STAT6: variants seen among roughly 807,000 people sequenced by gnomAD.
The protein encoded by STAT6 is signal transducer and activator of transcription 6.
STAT6 carries 45 observed loss-of-function variants against 106.3 expected under a neutral mutation model. The observed-to-expected ratio is 0.42, with a 90% confidence interval of 0.33 to 0.54. The LOEUF (loss-of-function observed/expected upper bound fraction) is 0.54, where lower values mean the gene tolerates loss of function less well. Ranked by LOEUF, STAT6 falls within the 20% of genes least tolerant of loss-of-function variation. The pLI, the probability that STAT6 is intolerant of heterozygous loss-of-function variation, is 0.06. For missense variants in STAT6, 797 were observed against 1,062.2 expected (o/e 0.75, Z 3.47); for synonymous variants, 413 against 413.6 (o/e 1.00, Z 0.02).
chr12:57,098,077 A>G (rs895454755), intron 19 of STAT6, among the ~76,000 whole-genome samples: 2 of 152,154 alleles, frequency 1.3e-5, no homozygotes, highest in Non-Finnish European at 2.9e-5. Context: ...ATTATACTCA[A>G]TGGTATTCGC....
chr12:57,102,828 C>T lies in STAT6; in HGVS notation c.1305+1G>A. On this transcript the variant is annotated splice_donor_variant, in intron 12 of 21. Coordinates refer to ENST00000300134, the MANE Select transcript of STAT6 (RefSeq NM_003153.5). LOFTEE classifies it high-confidence loss of function. ...CCCTCCAACTCCAGGACTTTCCTCA[C>T]CATCTCAGAGAAGGCATTGTCCCAC... 1.2e-6 allele frequency: 2 copies of T among 1,613,382 alleles called. No homozygotes were observed. Among genetic ancestry groups the T allele is most frequent in the Non-Finnish European group, 1.7e-6 (2 of 1,179,450 alleles).
intron 13 of STAT6, among the ~76,000 whole-genome samples, chr12:57,101,663 CTTTT>C (rs1228510878): frequency 6.3e-5 from 8 of 127,570 alleles, no homozygotes; most frequent in Non-Finnish European, 1.7e-5. Flanking sequence ...CATGCCTGGC[CTTTT>C]TTTTTTTTTT....
intron 2 of STAT6, 89 bp from the exon 3 acceptor site, chr12:57,107,832 C>T: frequency 6.4e-7 from 1 of 1,552,510 alleles, no homozygotes. Flanking sequence ...CTCAGCAGTT[C>T]CTTTCTCGCT....
Position 57,105,063 on chromosome 12 carries a change from A to C in STAT6, c.1001+88T>G, listed in dbSNP as rs1409297327. The C allele has an allele frequency of 6.1e-6, 9 of 1,466,776 alleles. No homozygotes were observed. In the East Asian group the frequency reaches 2.1e-4, roughly 34 times the overall value. 90.9% of individuals were successfully genotyped at this position (1,466,776 alleles called of 1,614,324 possible). ...CCACATCCCATGGCCCTCCCTCCCC[A>C]TCCCTTGCTCTTTTCAGTGCCAGCC... On this transcript the variant is annotated intron_variant, in intron 9 of 21. Transcript: ENST00000300134.
chr12:57,096,607 A>ACAT lies in STAT6; in HGVS notation c.2506_2508dup (p.Met836dup). ...GGGTTGGCCCTTAGGTCCATGTGGGACATTGAGATCCCAGATTGCCCATAG... is the reference window on the plus strand; with the variant it reads ...GGGTTGGCCCTTAGGTCCATGTGGGACATCATTGAGATCCCAGATTGCCCATAG... On this transcript the variant is annotated inframe_insertion, in exon 22 of 22. Coordinates refer to ENST00000300134, the MANE Select transcript of STAT6 (RefSeq NM_003153.5). 1 of 1,607,142 alleles carries ACAT rather than the reference A, an allele frequency of 6.2e-7. No homozygotes were observed. Among genetic ancestry groups the ACAT allele is most frequent in the Non-Finnish European group, 8.5e-7 (1 of 1,177,606 alleles).
At position 57,107,601 on chromosome 12, in the gene STAT6, C is replaced by A; in HGVS notation, c.255+4G>T. ...CAGCCTTGTCCCCTCCCCTCCTGCC[C>A]CACCTCAAGGGTGCTGATGTGTTGC... On this transcript the variant is annotated splice_donor_region_variant and intron_variant, in intron 3 of 21. Coordinates refer to ENST00000300134, the MANE Select transcript of STAT6 (RefSeq NM_003153.5). 2 of 1,613,740 alleles carry A rather than the reference C, an allele frequency of 1.2e-6. No individual in the cohort carries two copies. Among genetic ancestry groups the A allele is most frequent in the Non-Finnish European group, 1.7e-6 (2 of 1,179,758 alleles).
chr12:57,105,110 C>A, intron 9 of STAT6, 41 bp downstream of exon 9: 1 of 1,579,552 alleles, frequency 6.3e-7, no homozygotes, highest in Non-Finnish European at 8.6e-7. Context: ...CTCCATCACC[C>A]TAACAGCCCT....
rs373615741 is a variant in STAT6 at position 57,105,561 on chromosome 12, T to A, written c.719A>T (p.Gln240Leu). 2.5e-6 allele frequency: 4 copies of A among 1,613,990 alleles called. No homozygotes were observed. Among genetic ancestry groups the A allele is most frequent in the Non-Finnish European group, 3.4e-6 (4 of 1,179,928 alleles). ...CTCCCCACCAGCCGCCCCTACCTCC[T>A]GCTGTAGCTGGGAATAAATGTCCAC... ...SLVDIYSQLQ[Q>L]EVGAAGGELE... is the part of the protein sequence containing the mutation. The change falls in exon 8 of 22, where the codon CAG (glutamine) becomes CTG (leucine). Residue 240 changes from glutamine to leucine, a missense_variant. Physicochemically the swap from Gln to Leu is moderately radical, Grantham distance 113. Around this residue, in one of 4 missense-constraint regions of STAT6, gnomAD observed 336 missense variants for 429.8 expected, o/e 0.78. Coordinates refer to ENST00000300134, the MANE Select transcript of STAT6 (RefSeq NM_003153.5).
chr12:57,111,234 C>G lies in STAT6; in HGVS notation c.-127G>C, dbSNP rs908713086. The G allele has an allele frequency of 6.5e-6, 1 of 153,106 alleles. No homozygotes were observed. The highest frequency in any genetic ancestry group is 2.4e-5 in the African/African-American group (1 of 41,266). The allele number at this position is 153,106 out of a possible 1,614,324, so 9.5% of individuals were successfully genotyped here. A position where few individuals can be genotyped will look rare whatever the true frequency, so the allele number is the denominator to read the frequency against. The stretch of plus-strand genomic sequence containing the variant: ...TTCAAGGCTGGCCCTGCTAGCACCT[C>G]CCCCCTTCCACCACCACCACCAAAA... On this transcript the variant is annotated 5_prime_UTR_variant, in exon 1 of 22. Transcript: ENST00000300134.
In STAT6 at chr12:57,099,878, G is replaced by C. The variant is rs755129417; in HGVS notation, c.1633C>G (p.Gln545Glu). ...TTGAGAAGAAGGCTAGTAACGTACTGTTTGCTGATGAAGCCAATGATCAGC... is the reference window on the plus strand; with the variant it reads ...TTGAGAAGAAGGCTAGTAACGTACTCTTTGCTGATGAAGCCAATGATCAGC... ...DRLIIGFISKQYVTSLLLNEP... is the reference protein window; with the variant it reads ...DRLIIGFISKEYVTSLLLNEP... The change falls in exon 15 of 22, where the codon CAG becomes GAG. Residue 545 changes from glutamine (Q) to glutamate (E), a missense_variant. Gln to Glu is a conservative substitution (Grantham distance 29). This residue lies in a region of STAT6 where 222 missense variants were observed against 354.6 expected (regional missense o/e 0.63). Coordinates refer to ENST00000300134, the MANE Select transcript of STAT6 (RefSeq NM_003153.5). The surrounding 1 kb of genome is among the most constrained non-coding windows in gnomAD (Gnocchi z 4.7). The C allele has an allele frequency of 6.2e-7, 1 of 1,614,240 alleles. No homozygotes were observed. Among genetic ancestry groups the C allele is most frequent in the Admixed American group, 1.7e-5 (1 of 60,028 alleles).
At chr12:57,100,481 G>GGA (rs1357545748) in intron 13 of STAT6, among the ~76,000 whole-genome samples, 1 of 152,026 alleles carries the variant, frequency 6.6e-6, no homozygotes, top group Non-Finnish European at 1.5e-5. Context: ...CTCTCCCTAA[G>GGA]GAGGTGTGGC....
Position 57,102,376 on chromosome 12 carries a change from A to G in STAT6, c.1426T>C (p.Phe476Leu), listed in dbSNP as rs989093842. Residue 476 changes from phenylalanine (F) to leucine (L), a missense_variant, in exon 13 of 22, where the codon TTC (phenylalanine) becomes CTC (leucine). Coordinates refer to ENST00000300134, the MANE Select transcript of STAT6 (RefSeq NM_003153.5). ...TCATTGAAGATCTTCTGGGCCAGGA[A>G]GAGGAAGTGCTCTGGGAGCAGCCCC... is the stretch of plus-strand genomic sequence containing the variant. ...NRGLLPEHFL[F>L]LAQKIFNDNS... The G allele has an allele frequency of 1.2e-6, 2 of 1,614,180 alleles. No homozygotes were observed. The highest frequency in any genetic ancestry group is 2.2e-5 in the South Asian group (2 of 91,084).
intron 13 of STAT6, among the ~76,000 whole-genome samples, chr12:57,100,688 GAAAGAAAGAAAGAGAAAGAAAGAA>G (rs1382704657): frequency 0.013 from 805 of 61,628 alleles, 1 homozygote; most frequent in South Asian, 0.016. Context: ...AAGAAAGAAA[GAAAGAAAGAAAGAGAAAGAAAGAA>G]AGAAAGAAAG....
intron 7 of STAT6, chr12:57,105,837 C>T (rs948181927): frequency 1.2e-5 from 9 of 728,400 alleles, no homozygotes; most frequent in African/African-American, 8.9e-5. Context: ...GCCTCTCCCC[C>T]GACGGCTCTT....
At chr12:57,106,500 G>C (rs897972948) in intron 6 of STAT6, 28 bp downstream of exon 6, 2 of 1,613,368 alleles carry the variant, frequency 1.2e-6, no homozygotes, top group Non-Finnish European at 1.7e-6. Context: ...CTTTGACCAA[G>C]GTCTCCACCT....
At chr12:57,097,915 G>A (rs2033556834) in intron 19 of STAT6, among the ~76,000 whole-genome samples, 1 of 152,032 alleles carries the variant, frequency 6.6e-6, no homozygotes, top group Non-Finnish European at 1.5e-5. Flanking sequence ...TAATCAAGCT[G>A]AAAATTCCTA....
In STAT6 at chr12:57,107,309, T is replaced by C; in HGVS notation, c.261A>G (p.Ile87Met). ...CCAGCTTCAGGGGGTCCCTCTGATA[T>C]ATGCTCTACAGAAATGAGGGTGGTA... Reference protein sequence around the residue: ...ILQHISTLESIYQRDPLKLVA... With the variant: ...ILQHISTLESMYQRDPLKLVA... Residue 87 changes from isoleucine to methionine, a missense_variant, in exon 4 of 22, where the codon ATA (isoleucine) becomes ATG (methionine). Around this residue, in one of 4 missense-constraint regions of STAT6, gnomAD observed 336 missense variants for 429.8 expected, o/e 0.78. Coordinates refer to ENST00000300134, the MANE Select transcript of STAT6 (RefSeq NM_003153.5). The C allele has an allele frequency of 6.2e-7, 1 of 1,613,988 alleles. No homozygotes were observed. The highest frequency in any genetic ancestry group is 8.5e-7 in the Non-Finnish European group (1 of 1,179,838).
chr12:57,099,980 C>T lies in STAT6; in HGVS notation c.1607+16G>A, dbSNP rs369459441. On this transcript the variant is annotated intron_variant, in intron 14 of 21. Coordinates refer to ENST00000300134, the MANE Select transcript of STAT6 (RefSeq NM_003153.5). The surrounding 1 kb of genome is among the most constrained non-coding windows in gnomAD (Gnocchi z 4.7). ...CTGGTGTATGGCTGCTCAGACTACC[C>T]AGGGTGGGGACTCACCGGTCAGACC... 3 of 1,614,012 alleles carry T rather than the reference C, an allele frequency of 1.9e-6. No individual in the cohort carries two copies. The highest frequency in any genetic ancestry group is 3.3e-5 in the Admixed American group (2 of 59,994).
At chr12:57,106,603 AAGGGTGCAGACAGATT>A (rs2034292591) in intron 5 of STAT6, 23 bp from the exon 6 acceptor site, 2 of 1,614,100 alleles carry the variant, frequency 1.2e-6, no homozygotes, top group South Asian at 2.2e-5. Context: ...GGCAGAAATC[AAGGGTGCAGACAGATT>A]AGAGGTTCAG....
Sources: gnomAD v4.1 joint callset for allele counts (sites outside exome capture counted in the v4.1 genomes callset) on GRCh38, gnomAD v4.1.1 for gene constraint, gnomAD v4.1.1 regional missense constraint, Gnocchi (gnomAD v3.1) non-coding constraint, MANE v1.5 for transcripts, NCBI Gene and HGNC (gene_info 2026-07-23, HGNC 2026-07-21) for gene names.